BTBD2: variants seen among roughly 807,000 people sequenced by gnomAD.
BTBD2 encodes the protein BTB/POZ domain-containing protein 2.
In BTBD2, 15 loss-of-function variants were observed where a neutral mutation model predicts 44.0. That is an observed-to-expected ratio of 0.34 (90% CI 0.23 to 0.53). The LOEUF (loss-of-function observed/expected upper bound fraction) is 0.53. BTBD2 is among the 20% of genes least tolerant of loss of function. BTBD2 has a pLI of 0.95. For missense variants in BTBD2, 657 were observed against 746.4 expected, an observed-to-expected ratio of 0.88 and a Z score of 1.39; for synonymous variants, 443 against 335.9, an observed-to-expected ratio of 1.32 and a Z score of -3.49.
chr19:2,012,619 T>C (rs1568224392), intron 1 of BTBD2, among the ~76,000 whole-genome samples: 1 of 152,016 alleles, frequency 6.6e-6, no homozygotes, highest in Non-Finnish European at 1.5e-5. Context: ...TGAGTGGGGG[T>C]CCACGCCCCT....
At chr19:1,987,792 C>T in intron 5 of BTBD2, 100 bp from the exon 6 acceptor site, 2 of 1,257,296 alleles carry the variant, frequency 1.6e-6, no homozygotes, top group Non-Finnish European at 2.2e-6. Context: ...CTGCGTCGGA[C>T]TTTCAAGGTG....
chr19:1,999,140 C>T (rs10423525), intron 1 of BTBD2, among the ~76,000 whole-genome samples: 30 of 152,184 alleles, frequency 2.0e-4, no homozygotes, highest in Admixed American at 1.7e-3. Flanking sequence ...CACGCGCCCC[C>T]CTAAACCCCG....
chr19:1,998,853 G>A (rs1170565021), intron 1 of BTBD2, among the ~76,000 whole-genome samples: 1 of 152,184 alleles, frequency 6.6e-6, no homozygotes, highest in East Asian at 1.9e-4. Flanking sequence ...ACAGACGCTC[G>A]GCCTGCGCGC....
chr19:2,004,986 A>AT (rs527668704), intron 1 of BTBD2, among the ~76,000 whole-genome samples: 255 of 151,454 alleles, frequency 1.7e-3, no homozygotes, highest in African/African-American at 6.0e-3. Flanking sequence ...CGCCCGGCTA[A>AT]TTTTTTTGTA....
Position 2,015,282 on chromosome 19 carries a change from G to C in BTBD2, c.407+15C>G, listed in dbSNP as rs1264363806. 6.5e-7 allele frequency: 1 copy of C among 1,540,076 alleles called. No homozygotes were observed. Among genetic ancestry groups the C allele is most frequent in the Non-Finnish European group, 8.7e-7 (1 of 1,149,382 alleles). ...GGTGGGTCGGGGCCAGGGCTGGCGG[G>C]GTCGGGGCGCCCACCTGTGCGCGGG... is the stretch of plus-strand genomic sequence containing the variant. On this transcript the variant is annotated intron_variant, in intron 1 of 8. Coordinates refer to ENST00000255608, the MANE Select transcript of BTBD2 (RefSeq NM_017797.4).
rs1432924435 is a variant in BTBD2, at chr19:1,993,087, T to C, written c.617A>G (p.Glu206Gly). 6.2e-7 allele frequency: 1 copy of C among 1,608,124 alleles called. No individual in the cohort carries two copies. The highest frequency in any genetic ancestry group is 8.5e-7 in the Non-Finnish European group (1 of 1,179,468). Residue 206 changes from glutamate to glycine, a missense_variant, in exon 3 of 9, where the codon GAG becomes GGG. Transcript: ENST00000255608. ...CTTCAGGAACTCCACGCAATGGGCCTCGAGCGCTGGCACCGCGTACTTCTT... is the reference window on the plus strand; with the variant it reads ...CTTCAGGAACTCCACGCAATGGGCCCCGAGCGCTGGCACCGCGTACTTCTT... Reference protein sequence around the residue: ...TAKKYAVPALEAHCVEFLKKN... With the variant: ...TAKKYAVPALGAHCVEFLKKN...
intron 1 of BTBD2, among the ~76,000 whole-genome samples, chr19:1,999,571 C>T (rs2016298495): frequency 6.6e-6 from 1 of 151,968 alleles, no homozygotes; most frequent in African/African-American, 2.4e-5. Flanking sequence ...GAGGCTGAGG[C>T]AGGAGGACTG....
At chr19:1,989,806 G>A (rs549634413) in intron 5 of BTBD2, 198 bp downstream of exon 5, 33 of 623,884 alleles carry the variant, frequency 5.3e-5, no homozygotes, top group Middle Eastern at 4.3e-4. Flanking sequence ...CAGTGTGCAC[G>A]GTGGGGACAG....
Position 2,004,553 on chromosome 19 carries a change from T to C in BTBD2, c.408-7090A>G, listed in dbSNP as rs534967741. Among the ~76,000 whole-genome samples, 2 of 151,524 alleles carry C rather than the reference T, an allele frequency of 1.3e-5. 1 individual carries two copies. The highest frequency in any genetic ancestry group is 4.2e-4 in the South Asian group (2 of 4,796). ...CTCAGGTGATTCGCCCGCCTCGGCC[T>C]CCCGAAGTGCTGGGATTACAGGCGT... On this transcript the variant is annotated intron_variant, in intron 1 of 8. Coordinates refer to ENST00000255608, the MANE Select transcript of BTBD2 (RefSeq NM_017797.4).
chr19:2,015,653 C>A lies in BTBD2; in HGVS notation c.51G>T (p.Gly17=). Residue 17 remains glycine (G), a synonymous_variant, in exon 1 of 9, where the codon GGG becomes GGT. Transcript: ENST00000255608. Reference sequence around the variant, plus strand: ...GACTGCCCCCCGTGCCCGGGCCGACCCCGACCCCCGGCGGGCACGACGCAC... The same window carrying A: ...GACTGCCCCCCGTGCCCGGGCCGACACCGACCCCCGGCGGGCACGACGCAC... ...GGRASCPPGV[G]VGPGTGGSPG... is the part of the protein sequence containing the mutation. 1 of 1,000,986 alleles carries A rather than the reference C, an allele frequency of 1.0e-6. No homozygotes were observed. Among genetic ancestry groups the A allele is most frequent in the Non-Finnish European group, 1.2e-6 (1 of 842,894 alleles). 62.0% of individuals were successfully genotyped at this position (1,000,986 alleles called of 1,614,324 possible). A position where few individuals can be genotyped will look rare whatever the true frequency, so the allele number is the denominator to read the frequency against.
intron 5 of BTBD2, 153 bp downstream of exon 5, chr19:1,989,851 G>T: frequency 1.2e-6 from 1 of 834,838 alleles, no homozygotes; most frequent in Non-Finnish European, 1.9e-6. Context: ...CCCTGTGGAC[G>T]CGTCCTCACA....
At chr19:2,003,030 A>G (rs11084925) in intron 1 of BTBD2, 45,090 of 151,988 alleles carry the variant, frequency 0.3, 6,949 homozygotes, top group East Asian at 0.4. Flanking sequence ...AGAAACCATG[A>G]GAGCTGGAGT....
chr19:1,992,966 C>A, intron 3 of BTBD2, 54 bp downstream of exon 3: 1 of 905,532 alleles, frequency 1.1e-6, no homozygotes, highest in Non-Finnish European at 1.5e-6. Flanking sequence ...CCCACCCCGG[C>A]CCCGCCTCCA....
chr19:2,012,015 C>T (rs2079255), intron 1 of BTBD2, among the ~76,000 whole-genome samples: 4,039 of 152,038 alleles, frequency 0.027, 84 homozygotes, highest in Middle Eastern at 0.065. Flanking sequence ...CCACCACACC[C>T]GGCTAATTTT....
intron 1 of BTBD2, among the ~76,000 whole-genome samples, chr19:2,005,234 T>C (rs2016380711): frequency 6.6e-6 from 1 of 152,214 alleles, no homozygotes. Context: ...CATGCTGCTC[T>C]GGGCATTCAC....
At chr19:2,003,808 A>T (rs1422019104) in intron 1 of BTBD2, among the ~76,000 whole-genome samples, 1 of 151,660 alleles carries the variant, frequency 6.6e-6, no homozygotes, top group African/African-American at 2.4e-5. Flanking sequence ...AGAAAAGAAA[A>T]GAAAAAGGAA....
intron 3 of BTBD2, chr19:1,991,047 A>G (rs1877769148): frequency 6.0e-6 from 3 of 503,858 alleles, no homozygotes; most frequent in East Asian, 7.2e-5. Flanking sequence ...CCCTCTCAGG[A>G]CCTCAGAGGC....
At chr19:1,989,416 C>CG (rs2016140130) in intron 5 of BTBD2, 1 of 156,114 alleles carries the variant, frequency 6.4e-6, no homozygotes, top group Non-Finnish European at 1.4e-5. Context: ...TAAGCAAGAG[C>CG]GGGGGCCGCG....
At position 1,993,115 on chromosome 19, in the gene BTBD2, C is replaced by T. The variant is rs762022766; in HGVS notation, c.589G>A (p.Ala197Thr). ...PETVMTTLYTAKKYAVPALEA... is the reference protein window; with the variant it reads ...PETVMTTLYTTKKYAVPALEA... ...AGCGCTGGCACCGCGTACTTCTTGGCGGTGTATAGCGTGGTCATCACCGTC... is the reference window on the plus strand; with the variant it reads ...AGCGCTGGCACCGCGTACTTCTTGGTGGTGTATAGCGTGGTCATCACCGTC... Residue 197 changes from alanine (A) to threonine (T), a missense_variant, in exon 3 of 9, where the codon GCC becomes ACC. This residue lies in a region of BTBD2 where 449 missense variants were observed against 510.9 expected (regional missense o/e 0.88). Coordinates refer to ENST00000255608, the MANE Select transcript of BTBD2 (RefSeq NM_017797.4). 3 of 1,608,384 alleles carry T rather than the reference C, an allele frequency of 1.9e-6. No individual in the cohort carries two copies. Among genetic ancestry groups the T allele is most frequent in the South Asian group, 1.1e-5 (1 of 90,944 alleles).
Sources: allele counts gnomAD v4.1 joint callset (sites outside exome capture counted in the v4.1 genomes callset), GRCh38; gene constraint gnomAD v4.1.1; regional missense constraint gnomAD v4.1.1; transcripts MANE v1.5; gene names NCBI Gene and HGNC (gene_info 2026-07-23, HGNC 2026-07-21).